DNM1: variants seen among roughly 807,000 people sequenced by gnomAD.
DNM1 encodes the protein dynamin-1.
In DNM1, 29 loss-of-function variants were observed where a neutral mutation model predicts 104.6. The ratio of observed to expected loss-of-function variants is 0.28; its 90% confidence interval spans 0.21 to 0.38. The LOEUF (loss-of-function observed/expected upper bound fraction) is 0.38, where lower values mean the gene tolerates loss of function less well. Ranked by LOEUF, DNM1 falls within the 10% of genes least tolerant of loss-of-function variation. The pLI is 1.00. For synonymous variants in DNM1, 445 were observed against 475.8 expected (o/e 0.94, Z 0.84); for missense variants, 640 against 1,189.4 (o/e 0.54, Z 6.79).
At position 128,203,626 on chromosome 9, in the gene DNM1, A is replaced by C; in HGVS notation, c.156A>C (p.Val52=). ...AGAGCTCGGTGCTCGAGAATTTCGT[A>C]GGCAGGTAGGCGCGGCGCGCCCCCA... ...AGKSSVLENF[V]GRDFLPRGSG... Residue 52 remains valine, a synonymous_variant, in exon 1 of 22, where the codon GTA becomes GTC. Transcript: ENST00000372923. The surrounding 1 kb of genome is among the most constrained non-coding windows in gnomAD (Gnocchi z 5.3). 1 of 1,530,200 alleles carries C rather than the reference A, an allele frequency of 6.5e-7. No homozygotes were observed. Among genetic ancestry groups the C allele is most frequent in the Non-Finnish European group, 8.7e-7 (1 of 1,145,122 alleles). The allele number at this position is 1,530,200 out of a possible 1,614,324, so 94.8% of individuals were successfully genotyped here. A position where few individuals can be genotyped will look rare whatever the true frequency, so the allele number is the denominator to read the frequency against.
At position 128,227,643 on chromosome 9, in the gene DNM1, A is replaced by G. The variant is rs554712808; in HGVS notation, c.1335+3254A>G. 3.4e-4 allele frequency among the ~76,000 whole-genome samples: 51 copies of G among 152,190 alleles called. 1 individual carries two copies. The highest frequency in any genetic ancestry group is 6.2e-4 in the South Asian group (3 of 4,822). On this transcript the variant is annotated intron_variant, in intron 10 of 21. Coordinates refer to ENST00000372923, the MANE Select transcript of DNM1 (RefSeq NM_004408.4). Reference sequence around the variant, plus strand: ...GTGATCTGCCCACCTTGGCCTCTCAAAGTGCTGGGATTACAGGTGTGAGCC... The same window carrying G: ...GTGATCTGCCCACCTTGGCCTCTCAGAGTGCTGGGATTACAGGTGTGAGCC...
In DNM1 at chr9:128,222,688, C is replaced by G. The variant is rs915811460; in HGVS notation, c.1128+92C>G. On this transcript the variant is annotated intron_variant, in intron 8 of 21. Transcript: ENST00000372923. The surrounding 1 kb of genome is among the most constrained non-coding windows in gnomAD (Gnocchi z 7.8). ...TGCGTGTGTTTTTGCTGGCCCCCAC[C>G]CCACAGGCCCTGATGCCCAGCCCTA... 13 of 1,599,196 alleles carry G rather than the reference C, an allele frequency of 8.1e-6. No individual in the cohort carries two copies. In the African/African-American group the frequency reaches 1.6e-4, roughly 20 times the overall value.
chr9:128,233,883 G>C, intron 10 of DNM1, 138 bp from the exon 11 acceptor site: 1 of 746,250 alleles, frequency 1.3e-6, no homozygotes, highest in Non-Finnish European at 2.3e-6. Context: ...TGGGACCCTA[G>C]GTCTCTCTTC....
intron 1 of DNM1, among the ~76,000 whole-genome samples, chr9:128,211,566 A>G (rs1260694833): frequency 3.5e-5 from 5 of 144,362 alleles, no homozygotes; most frequent in East Asian, 2.1e-4. Flanking sequence ...GCCAGGTCTC[A>G]AACTCCTGGC....
At position 128,248,510 on chromosome 9, in the gene DNM1, C is replaced by A; in HGVS notation, c.1906-73C>A. ...AATATTCTGGGTACCCTTGGAGGGG[C>A]TGAGATCCTGGGGATGCCTGGAGCC... On this transcript the variant is annotated intron_variant, in intron 18 of 21. Transcript: ENST00000372923. The surrounding 1 kb of genome is among the most constrained non-coding windows in gnomAD (Gnocchi z 5.6). The A allele has an allele frequency of 6.4e-7, 1 of 1,562,678 alleles. No individual in the cohort carries two copies. Among genetic ancestry groups the A allele is most frequent in the Non-Finnish European group, 8.7e-7 (1 of 1,145,444 alleles).
At chr9:128,246,272 C>T in intron 15 of DNM1, 122 bp from the exon 16 acceptor site, 1 of 724,634 alleles carries the variant, frequency 1.4e-6, no homozygotes. Context: ...TCTAGCTGCA[C>T]CTTCGCAGTG....
At position 128,253,274 on chromosome 9, in the gene DNM1, C is replaced by T; in HGVS notation, c.2535-1380C>T. The T allele has an allele frequency of 1.3e-6, 1 of 789,996 alleles. No homozygotes were observed. The allele number at this position is 789,996 out of a possible 1,614,324, so 48.9% of individuals were successfully genotyped here. ...TCTGCAGCTGCAGACTTGCTCTTTC[C>T]TCTTTCTGTCCTTGTGCCGCTGGCT... On this transcript the variant is annotated intron_variant, in intron 21 of 21. Transcript: ENST00000372923. This position sits in a 1 kb window ranked among gnomAD's most constrained non-coding sequence, Gnocchi z 5.9.
Position 128,247,149 on chromosome 9 carries a change from C to T in DNM1, c.1782-226C>T. The T allele has an allele frequency of 2.2e-6, 1 of 456,250 alleles. No homozygotes were observed. The highest frequency in any genetic ancestry group is 4.0e-6 in the Non-Finnish European group (1 of 250,318). 28.3% of individuals were successfully genotyped at this position (456,250 alleles called of 1,614,324 possible). On this transcript the variant is annotated intron_variant, in intron 16 of 21. Coordinates refer to ENST00000372923, the MANE Select transcript of DNM1 (RefSeq NM_004408.4). The surrounding 1 kb of genome is among the most constrained non-coding windows in gnomAD (Gnocchi z 5.1). Reference sequence around the variant, plus strand: ...GTCCAGTCCCCTTCTAAGCATTTTACCACTCACTTCACTGAATCCTCAGTG... The same window carrying T: ...GTCCAGTCCCCTTCTAAGCATTTTATCACTCACTTCACTGAATCCTCAGTG...
intron 10 of DNM1, among the ~76,000 whole-genome samples, chr9:128,227,375 C>CTT (rs59856862): frequency 9.9e-5 from 5 of 50,422 alleles, no homozygotes; most frequent in Non-Finnish European, 1.3e-4. Flanking sequence ...GGTCTCATGC[C>CTT]TTTTTTTTTT....
rs946019562 is a variant in DNM1 at position 128,243,779 on chromosome 9, G to A, written c.1671+1434G>A. On this transcript the variant is annotated intron_variant, in intron 15 of 21. Coordinates refer to ENST00000372923, the MANE Select transcript of DNM1 (RefSeq NM_004408.4). This position sits in a 1 kb window ranked among gnomAD's most constrained non-coding sequence, Gnocchi z 4.0. ...GGGTGACACTGTGGGGGAGGGGCAC[G>A]TGCCACTGAGGGGGTCCCCTGATCT... 5.9e-5 allele frequency among the ~76,000 whole-genome samples: 9 copies of A among 152,276 alleles called. No homozygotes were observed. Among genetic ancestry groups the A allele is most frequent in the East Asian group, 3.9e-4 (2 of 5,178 alleles).
Position 128,222,058 on chromosome 9 carries a change from C to T in DNM1, c.850-139C>T. The T allele has an allele frequency of 4.1e-6, 4 of 983,870 alleles. No individual in the cohort carries two copies. The South Asian group carries it at 7.7e-5, about 19-fold the overall frequency. 60.9% of individuals were successfully genotyped at this position (983,870 alleles called of 1,614,324 possible). On this transcript the variant is annotated intron_variant, in intron 6 of 21. Coordinates refer to ENST00000372923, the MANE Select transcript of DNM1 (RefSeq NM_004408.4). This position sits in a 1 kb window ranked among gnomAD's most constrained non-coding sequence, Gnocchi z 7.8. The stretch of plus-strand genomic sequence containing the variant: ...CTCCTTCTATGAACCAGTTTTCTTG[C>T]TAGTGGCCCGGGCAGCAGTGGCAGG...
At chr9:128,242,776 C>T (rs572818619) in intron 15 of DNM1, among the ~76,000 whole-genome samples, 2 of 152,194 alleles carry the variant, frequency 1.3e-5, no homozygotes, top group Admixed American at 1.3e-4. Context: ...AAAGGATCCA[C>T]GGGTGGAGTT....
chr9:128,222,274 G>C lies in DNM1; in HGVS notation c.927G>C (p.Lys309Asn). ...AGAGCCAGCTACTGTCCATTGAGAA[G>C]GAGGTGGAGGAATACAAGAACTTCC... ...KLQSQLLSIE[K>N]EVEEYKNFRP... Residue 309 changes from lysine (K) to asparagine (N), a missense_variant, in exon 7 of 22, where the codon AAG becomes AAC. This residue lies in a region of DNM1 where 81 missense variants were observed against 99.8 expected (regional missense o/e 0.81). Coordinates refer to ENST00000372923, the MANE Select transcript of DNM1 (RefSeq NM_004408.4). The surrounding 1 kb of genome is among the most constrained non-coding windows in gnomAD (Gnocchi z 7.8). 1 of 1,614,224 alleles carries C rather than the reference G, an allele frequency of 6.2e-7. No individual in the cohort carries two copies. The highest frequency in any genetic ancestry group is 1.7e-5 in the Admixed American group (1 of 60,020).
intron 10 of DNM1, among the ~76,000 whole-genome samples, chr9:128,228,668 G>A (rs1275127136): frequency 1.3e-5 from 2 of 152,122 alleles, no homozygotes; most frequent in East Asian, 3.8e-4. Flanking sequence ...TTCATTGTCA[G>A]GTTATTTAGA....
chr9:128,219,227 G>C lies in DNM1; in HGVS notation c.564G>C (p.Lys188Asn). 6.2e-7 allele frequency: 1 copy of C among 1,614,160 alleles called. No homozygotes were observed. Among genetic ancestry groups the C allele is most frequent in the Non-Finnish European group, 8.5e-7 (1 of 1,180,038 alleles). ...NSDLANSDAL[K>N]VAKEVDPQGQ... ...ACCTGGCCAATTCTGACGCCCTCAA[G>C]GTCGCCAAGGAGGTGGACCCCCAGG... is the stretch of plus-strand genomic sequence containing the variant. The change falls in exon 4 of 22, where the codon AAG (lysine) becomes AAC (asparagine). Residue 188 changes from lysine to asparagine, a missense_variant. Transcript: ENST00000372923.
intron 11 of DNM1, among the ~76,000 whole-genome samples, chr9:128,235,355 TTGG>T (rs1184565506): frequency 6.6e-6 from 1 of 151,936 alleles, no homozygotes; most frequent in Non-Finnish European, 1.5e-5. Context: ...TTAGCCGGAC[TTGG>T]TGGTGGGCGC....
In DNM1 at chr9:128,248,717, C is replaced by T; in HGVS notation, c.2040C>T (p.Leu680=). The T allele has an allele frequency of 6.2e-7, 1 of 1,613,922 alleles. No individual in the cohort carries two copies. The highest frequency in any genetic ancestry group is 1.1e-5 in the South Asian group (1 of 91,074). The change falls in exon 19 of 22, where the codon CTC becomes CTT. Residue 680 remains leucine (L), a synonymous_variant. Transcript: ENST00000372923. This position sits in a 1 kb window ranked among gnomAD's most constrained non-coding sequence, Gnocchi z 5.6. The stretch of plus-strand genomic sequence containing the variant: ...TTGTCAACAAGACCGTGAGGGACCT[C>T]ATGCCCAAGACCATCATGCACCTCA... ...MAIVNKTVRD[L]MPKTIMHLMI... is the part of the protein sequence containing the mutation.
intron 19 of DNM1, 62 bp from the exon 20 acceptor site, chr9:128,250,053 G>GGGGCGGCCA (rs1285268162): frequency 6.2e-7 from 1 of 1,612,010 alleles, no homozygotes; most frequent in East Asian, 2.2e-5. Flanking sequence ...AGGGCCCGGT[G>GGGGCGGCCA]GGGCGGCCAG....
intron 10 of DNM1, chr9:128,231,964 G>C (rs971937168): frequency 2.2e-6 from 1 of 456,372 alleles, no homozygotes; most frequent in South Asian, 1.6e-5. Context: ...AGGGCTGAGA[G>C]GGGAACGTTC....
Sources: gnomAD v4.1 joint callset for allele counts (sites outside exome capture counted in the v4.1 genomes callset) on GRCh38, gnomAD v4.1.1 for gene constraint, gnomAD v4.1.1 regional missense constraint, Gnocchi (gnomAD v3.1) non-coding constraint, MANE v1.5 for transcripts, NCBI Gene and HGNC (gene_info 2026-07-23, HGNC 2026-07-21) for gene names.